Variants in SLC17A8 observed in about 807,000 individuals in gnomAD.
SLC17A8 encodes the protein solute carrier family 17 member 8, also known as vesicular glutamate transporter 3.
Under a neutral mutation model 58.0 loss-of-function variants are expected in SLC17A8, and 31 were observed. The observed-to-expected ratio is 0.53, with a 90% CI of 0.40 to 0.72. SLC17A8 has a LOEUF of 0.72. SLC17A8 is among the 30% of genes least tolerant of loss of function. The pLI is 0.00. For synonymous variants in SLC17A8, 228 were observed against 249.0 expected, an observed-to-expected ratio of 0.92 and a Z score of 0.79; for missense variants, 655 against 727.8, an observed-to-expected ratio of 0.90 and a Z score of 1.15.
intron 2 of SLC17A8, among the ~76,000 whole-genome samples, chr12:100,384,612 G>A (rs1013680395): frequency 5.3e-5 from 8 of 152,138 alleles, no homozygotes; most frequent in Admixed American, 2.6e-4. Context: ...ATTATTGTAG[G>A]GCTGTAAGAG....
intron 9 of SLC17A8, among the ~76,000 whole-genome samples, chr12:100,412,395 C>T (rs997872213): frequency 1.3e-5 from 2 of 151,822 alleles, no homozygotes; most frequent in African/African-American, 4.8e-5. Flanking sequence ...GGGAGGGGAT[C>T]ATCACACACT....
rs1017267962 is a variant in SLC17A8 at position 100,363,445 on chromosome 12, G to A, written c.101+5953G>A. Among the ~76,000 whole-genome samples, 5 of 152,222 alleles carry A rather than the reference G, an allele frequency of 3.3e-5. No homozygotes were observed. The East Asian group carries it at 9.7e-4, about 30-fold the overall frequency. ...TGCAGCGGCTTGATCTCAGCTCACT[G>A]CAACCTCTGCCTCCTGGGTTCAAGC... is the stretch of plus-strand genomic sequence containing the variant. On this transcript the variant is annotated intron_variant, in intron 1 of 11. Transcript: ENST00000323346.
In SLC17A8 at chr12:100,420,438, A is replaced by G. The variant is rs1437593503; in HGVS notation, c.*279A>G. On this transcript the variant is annotated 3_prime_UTR_variant, in exon 12 of 12. Transcript: ENST00000323346. ...TTCAGAAAGGAATGACTAGAAGAAA[A>G]AGGAGACAATACCATGTTGTTCAAA... is the stretch of plus-strand genomic sequence containing the variant. The G allele has an allele frequency of 1.3e-5, 5 of 387,666 alleles. No homozygotes were observed. The highest frequency in any genetic ancestry group is 2.4e-5 in the Non-Finnish European group (5 of 210,738). 24.0% of individuals were successfully genotyped at this position (387,666 alleles called of 1,614,324 possible).
intron 5 of SLC17A8, among the ~76,000 whole-genome samples, chr12:100,399,924 G>C (rs1952780015): frequency 6.6e-6 from 1 of 152,180 alleles, no homozygotes; most frequent in African/African-American, 2.4e-5. Flanking sequence ...CTGGGCTCCT[G>C]TCCTGTGACT....
At chr12:100,394,398 C>CTTTTT (rs34047250) in intron 4 of SLC17A8, among the ~76,000 whole-genome samples, 4 of 112,754 alleles carry the variant, frequency 3.5e-5, no homozygotes, top group African/African-American at 9.5e-5. Flanking sequence ...ACATCTTTTC[C>CTTTTT]TTTTTTTTTT....
chr12:100,380,114 G>T (rs191109222), intron 1 of SLC17A8, among the ~76,000 whole-genome samples: 2 of 150,642 alleles, frequency 1.3e-5, no homozygotes, highest in Admixed American at 1.3e-4. Flanking sequence ...TGAGAGAATC[G>T]CTTGAACCTG....
At chr12:100,365,699 C>T (rs891870914) in intron 1 of SLC17A8, among the ~76,000 whole-genome samples, 5 of 152,146 alleles carry the variant, frequency 3.3e-5, no homozygotes, top group South Asian at 4.1e-4. Flanking sequence ...CTGTGAACTT[C>T]GCCCACGTGA....
At chr12:100,395,428 C>A (rs1036671308) in intron 4 of SLC17A8, among the ~76,000 whole-genome samples, 3 of 151,334 alleles carry the variant, frequency 2.0e-5, no homozygotes, top group African/African-American at 4.9e-5. Flanking sequence ...CAGGTTCAAG[C>A]GATTCTTCTG....
intron 9 of SLC17A8, among the ~76,000 whole-genome samples, chr12:100,405,334 A>T (rs1952819754): frequency 6.6e-6 from 1 of 152,192 alleles, no homozygotes; most frequent in South Asian, 2.1e-4. Flanking sequence ...CAGCTAGAAT[A>T]ATGCCCATGT....
chr12:100,379,424 G>C (rs1009111751), intron 1 of SLC17A8, among the ~76,000 whole-genome samples: 3 of 103,456 alleles, frequency 2.9e-5, no homozygotes, highest in African/African-American at 1.3e-4. Context: ...AACAGACCGA[G>C]ATTCCGTCCC....
intron 5 of SLC17A8, 50 bp downstream of exon 5, chr12:100,396,467 G>T (rs546449115): frequency 4.1e-6 from 6 of 1,480,160 alleles, no homozygotes; most frequent in South Asian, 3.4e-5. Context: ...GCTTTTTTTG[G>T]GTTCATGCAG....
chr12:100,402,173 T>C (rs149747614), intron 6 of SLC17A8, among the ~76,000 whole-genome samples, 167 bp from the exon 7 acceptor site: 213 of 152,326 alleles, frequency 1.4e-3, no homozygotes, highest in East Asian at 0.013. Flanking sequence ...AATGTGATAA[T>C]TGGGTGTTCA....
chr12:100,383,589 A>G (rs1227197064), intron 2 of SLC17A8, among the ~76,000 whole-genome samples: 1 of 152,228 alleles, frequency 6.6e-6, no homozygotes, highest in Admixed American at 6.5e-5. Flanking sequence ...GCACTGAGAT[A>G]TCTTTAAATC....
intron 3 of SLC17A8, 35 bp downstream of exon 3, chr12:100,391,154 T>G: frequency 2.8e-6 from 4 of 1,418,522 alleles, no homozygotes; most frequent in Non-Finnish European, 4.0e-6. Flanking sequence ...TACAAACCAA[T>G]GAAATGTGGC....
At chr12:100,413,704 G>A (rs1952886800) in intron 10 of SLC17A8, among the ~76,000 whole-genome samples, 1 of 152,172 alleles carries the variant, frequency 6.6e-6, no homozygotes, top group Non-Finnish European at 1.5e-5. Context: ...GGCCGGGTGC[G>A]CTGGCTTACG....
At chr12:100,378,609 T>C (rs911243747) in intron 1 of SLC17A8, among the ~76,000 whole-genome samples, 3 of 151,788 alleles carry the variant, frequency 2.0e-5, no homozygotes, top group African/African-American at 7.3e-5. Context: ...GAGGAGAACA[T>C]AATGAATGAA....
intron 9 of SLC17A8, among the ~76,000 whole-genome samples, chr12:100,408,400 G>C (rs937363656): frequency 6.6e-6 from 1 of 152,134 alleles, no homozygotes; most frequent in Non-Finnish European, 1.5e-5. Flanking sequence ...TGAATCAGTT[G>C]CAAGTGTGAA....
intron 1 of SLC17A8, among the ~76,000 whole-genome samples, chr12:100,361,909 C>T (rs771007443): frequency 1.3e-5 from 2 of 151,030 alleles, no homozygotes; most frequent in Non-Finnish European, 3.0e-5. Flanking sequence ...TGCAGTGAGC[C>T]GAGATCACAC....
chr12:100,403,533 G>A (rs1326469388), intron 8 of SLC17A8, among the ~76,000 whole-genome samples: 1 of 151,964 alleles, frequency 6.6e-6, no homozygotes, highest in Non-Finnish European at 1.5e-5. Flanking sequence ...AATGCTCCCA[G>A]ACATTATCAT....
Sources: gnomAD v4.1 joint callset for allele counts (sites outside exome capture counted in the v4.1 genomes callset) on GRCh38, gnomAD v4.1.1 for gene constraint, MANE v1.5 for transcripts, NCBI Gene and HGNC (gene_info 2026-07-23, HGNC 2026-07-21) for gene names.